The following FANCC variants were observed in gnomAD, a reference collection of about 807,000 sequenced individuals.
FANCC encodes Fanconi anemia group C protein.
Under a neutral mutation model 71.3 loss-of-function variants are expected in FANCC, and 55 were observed. The ratio of observed to expected loss-of-function variants is 0.77; its 90% confidence interval spans 0.62 to 0.97. FANCC has a LOEUF of 0.97. FANCC is among the 50% of genes least tolerant of loss of function. The pLI is 0.00. For synonymous variants in FANCC, 275 were observed against 244.9 expected, an observed-to-expected ratio of 1.12 and a Z score of -1.15; for missense variants, 678 against 670.9, an observed-to-expected ratio of 1.01 and a Z score of -0.12.
At chr9:95,191,653 A>G (rs1484279782) in intron 4 of FANCC, among the ~76,000 whole-genome samples, 1 of 152,076 alleles carries the variant, frequency 6.6e-6, no homozygotes, top group East Asian at 1.9e-4. Flanking sequence ...TAGCCCAGCC[A>G]TCCCCAAGCC....
intron 4 of FANCC, among the ~76,000 whole-genome samples, chr9:95,227,356 T>C (rs1378409019): frequency 6.6e-6 from 1 of 152,148 alleles, no homozygotes; most frequent in Non-Finnish European, 1.5e-5. Flanking sequence ...AGCTCACCAG[T>C]GCCTGGTGGA....
At chr9:95,201,432 A>G (rs2135806065) in intron 4 of FANCC, among the ~76,000 whole-genome samples, 1 of 152,316 alleles carries the variant, frequency 6.6e-6, no homozygotes, top group East Asian at 1.9e-4. Flanking sequence ...AAACCTTTGG[A>G]AATGTTAAGA....
Position 95,114,631 on chromosome 9 carries a change from A to T in FANCC, c.1152T>A (p.His384Gln), listed in dbSNP as rs748127093. Residue 384 changes from histidine (H) to glutamine (Q), a missense_variant and splice_region_variant, in exon 12 of 15, where the codon CAT (histidine) becomes CAA (glutamine). By Grantham distance (24) the His-to-Gln change is conservative. Coordinates refer to ENST00000289081, the MANE Select transcript of FANCC (RefSeq NM_000136.3). ...GGGAGTGGTCAGTGTTTGCTCACCC[A>T]TGAGTCTGGTCTTCAACTGCTTCTC... ...LLREAVEDQT[H>Q]GSCGGPFESW... The T allele has an allele frequency of 6.2e-7, 1 of 1,613,788 alleles. No individual in the cohort carries two copies.
At chr9:95,239,970 G>C (rs1257316381) in intron 4 of FANCC, among the ~76,000 whole-genome samples, 1 of 152,220 alleles carries the variant, frequency 6.6e-6, no homozygotes, top group East Asian at 1.9e-4. Context: ...GCAGTGCGGG[G>C]AACAGAAAAG....
intron 4 of FANCC, among the ~76,000 whole-genome samples, chr9:95,187,756 C>A (rs2135717540): frequency 6.6e-6 from 1 of 152,096 alleles, no homozygotes; most frequent in East Asian, 1.9e-4. Context: ...TAGGGGGAAG[C>A]CCAGGTCATC....
intron 1 of FANCC, among the ~76,000 whole-genome samples, chr9:95,314,229 CAAGAT>C (rs1835596313): frequency 6.6e-6 from 1 of 152,208 alleles, no homozygotes; most frequent in Non-Finnish European, 1.5e-5. Flanking sequence ...AGGAAGGTTG[CAAGAT>C]ATAAGATTAA....
At chr9:95,156,425 C>T (rs1471187870) in intron 6 of FANCC, among the ~76,000 whole-genome samples, 5 of 152,148 alleles carry the variant, frequency 3.3e-5, no homozygotes. Context: ...TGTTTAGAAT[C>T]TTTTCTTTAA....
At chr9:95,259,404 C>T (rs956819169) in intron 1 of FANCC, among the ~76,000 whole-genome samples, 1 of 152,214 alleles carries the variant, frequency 6.6e-6, no homozygotes, top group African/African-American at 2.4e-5. Flanking sequence ...CTACAACCAT[C>T]TGATCTTTGA....
chr9:95,247,750 T>C (rs935640991), intron 2 of FANCC, among the ~76,000 whole-genome samples: 2 of 152,206 alleles, frequency 1.3e-5, no homozygotes, highest in Non-Finnish European at 2.9e-5. Context: ...ATGTATGACA[T>C]AGGTAAAATC....
chr9:95,153,243 A>G (rs1830279656), intron 6 of FANCC, among the ~76,000 whole-genome samples: 2 of 152,002 alleles, frequency 1.3e-5, no homozygotes, highest in Admixed American at 1.3e-4. Context: ...TTATCCACTG[A>G]TTGGTGGATG....
intron 1 of FANCC, among the ~76,000 whole-genome samples, chr9:95,251,779 T>C (rs1831345948): frequency 6.6e-6 from 1 of 152,238 alleles, no homozygotes; most frequent in Admixed American, 6.5e-5. Context: ...TTAAATACTT[T>C]ATTCATACTA....
chr9:95,107,773 C>T (rs1214155663), intron 13 of FANCC, among the ~76,000 whole-genome samples: 7 of 152,214 alleles, frequency 4.6e-5, no homozygotes, highest in East Asian at 3.9e-4. Context: ...TACACAAGCA[C>T]GGTCATACAC....
chr9:95,208,768 G>C (rs1424631597), intron 4 of FANCC, among the ~76,000 whole-genome samples: 4 of 152,102 alleles, frequency 2.6e-5, no homozygotes, highest in Admixed American at 6.5e-5. Context: ...ATAACAACAG[G>C]AACTCTCATC....
At chr9:95,215,446 A>G (rs1362909852) in intron 4 of FANCC, among the ~76,000 whole-genome samples, 1 of 152,066 alleles carries the variant, frequency 6.6e-6, no homozygotes, top group Non-Finnish European at 1.5e-5. Context: ...ACAGATGACA[A>G]AAATAGAAAA....
At chr9:95,174,110 G>T (rs755389406) in intron 4 of FANCC, among the ~76,000 whole-genome samples, 9 of 152,146 alleles carry the variant, frequency 5.9e-5, no homozygotes, top group Non-Finnish European at 8.8e-5. Flanking sequence ...TCATTTATAA[G>T]AGCAAAACTT....
chr9:95,214,208 G>A (rs990763548), intron 4 of FANCC, among the ~76,000 whole-genome samples: 1 of 152,150 alleles, frequency 6.6e-6, no homozygotes, highest in African/African-American at 2.4e-5. Context: ...CAGGAGGACT[G>A]CTTAAAGCCA....
intron 4 of FANCC, among the ~76,000 whole-genome samples, chr9:95,228,146 C>G (rs1038683006): frequency 6.6e-6 from 1 of 152,100 alleles, no homozygotes; most frequent in Non-Finnish European, 1.5e-5. Flanking sequence ...ACAGTAGGCA[C>G]TCAGGATACA....
At chr9:95,148,148 T>C (rs1829814108) in intron 7 of FANCC, among the ~76,000 whole-genome samples, 1 of 152,224 alleles carries the variant, frequency 6.6e-6, no homozygotes, top group African/African-American at 2.4e-5. Flanking sequence ...CATATGAATG[T>C]CTGATGAAGC....
chr9:95,105,605 G>A (rs1437385721), intron 14 of FANCC, among the ~76,000 whole-genome samples: 1 of 152,130 alleles, frequency 6.6e-6, no homozygotes, highest in Non-Finnish European at 1.5e-5. Context: ...ACAGCCATCA[G>A]CACTGGCCGT....
Sources: gnomAD v4.1 joint callset for allele counts (sites outside exome capture counted in the v4.1 genomes callset) on GRCh38, gnomAD v4.1.1 for gene constraint, MANE v1.5 for transcripts, NCBI Gene and HGNC (gene_info 2026-07-23, HGNC 2026-07-21) for gene names.